Variants in KCNH4 observed in about 807,000 individuals in gnomAD.
KCNH4 encodes voltage-gated delayed rectifier potassium channel KCNH4.
A neutral mutation model predicts 90.7 loss-of-function variants in KCNH4; 33 were observed. The ratio of observed to expected loss-of-function variants is 0.36; its 90% CI spans 0.28 to 0.49. The LOEUF (loss-of-function observed/expected upper bound fraction) is 0.49. Ranked by LOEUF, KCNH4 falls within the 20% of genes least tolerant of loss-of-function variation. The probability of loss-of-function intolerance (pLI) is 0.98; values close to 1 mark genes in which losing one functional copy is unlikely to be tolerated. For synonymous variants in KCNH4, 551 were observed against 581.7 expected (o/e 0.95, Z 0.76); for missense variants, 1,044 against 1,387.1 (o/e 0.75, Z 3.93).
In KCNH4 at chr17:42,162,192, T is replaced by C. The variant is rs376141922; in HGVS notation, c.2658+56A>G. 23 of 1,482,762 alleles carry C rather than the reference T, an allele frequency of 1.6e-5. No individual in the cohort carries two copies. In the African/African-American group the frequency reaches 2.6e-4, roughly 17 times the overall value. The allele number at this position is 1,482,762 out of a possible 1,614,324, so 91.9% of individuals were successfully genotyped here. The stretch of plus-strand genomic sequence containing the variant: ...AACTCCTGACCTCAAGTGAGCCACG[T>C]GTAGGGTCTGAAATGCTGTTATATC... On this transcript the variant is annotated intron_variant, in intron 15 of 16. Coordinates refer to ENST00000264661, the MANE Select transcript of KCNH4 (RefSeq NM_012285.3).
chr17:42,174,106 T>C (rs912668429), intron 6 of KCNH4, among the ~76,000 whole-genome samples: 2 of 152,128 alleles, frequency 1.3e-5, no homozygotes, highest in African/African-American at 4.8e-5. Flanking sequence ...TACAGGTACG[T>C]GCCAGCACAC....
chr17:42,171,164 G>A (rs2079824528), intron 7 of KCNH4, among the ~76,000 whole-genome samples: 1 of 152,226 alleles, frequency 6.6e-6, no homozygotes, highest in East Asian at 1.9e-4. Context: ...GGTTGTGGGG[G>A]GGATGAGAAG....
At chr17:42,169,870 C>T (rs2079814915) in intron 8 of KCNH4, among the ~76,000 whole-genome samples, 194 bp from the exon 9 acceptor site, 1 of 152,202 alleles carries the variant, frequency 6.6e-6, no homozygotes, top group Non-Finnish European at 1.5e-5. Flanking sequence ...TCAGGCCTCC[C>T]CACCATTAGG....
intron 3 of KCNH4, 28 bp from the exon 4 acceptor site, chr17:42,178,255 G>A (rs745633014): frequency 5.6e-6 from 9 of 1,614,082 alleles, no homozygotes; most frequent in East Asian, 2.2e-5. Context: ...GCAGAGATAC[G>A]TTGGGGCACA....
intron 15 of KCNH4, 136 bp from the exon 16 acceptor site, chr17:42,160,571 T>C (rs2079739288): frequency 2.2e-6 from 2 of 891,984 alleles, no homozygotes; most frequent in Admixed American, 3.1e-5. Context: ...ATGAGGGTTA[T>C]TTTTGCCTAG....
chr17:42,178,537 C>G, intron 2 of KCNH4, 60 bp from the exon 3 acceptor site: 1 of 1,567,558 alleles, frequency 6.4e-7, no homozygotes, highest in African/African-American at 1.3e-5. Context: ...TGCCTTTCTC[C>G]TCATCCCTCT....
intron 4 of KCNH4, 117 bp downstream of exon 4, chr17:42,177,983 G>T: frequency 7.4e-7 from 1 of 1,348,242 alleles, no homozygotes; most frequent in Non-Finnish European, 1.0e-6. Context: ...TGGGTGGGCA[G>T]AGGAGCAAGC....
Position 42,163,161 on chromosome 17 carries a change from T to C in KCNH4, c.2584+67A>G, listed in dbSNP as rs2079760232. ...TGGCACATGGTAGGCCCCTACTACA[T>C]ATGGGATGGATGGACAGGTGGATGG... On this transcript the variant is annotated intron_variant, in intron 14 of 16. Coordinates refer to ENST00000264661, the MANE Select transcript of KCNH4 (RefSeq NM_012285.3). The surrounding 1 kb of genome is among the most constrained non-coding windows in gnomAD (Gnocchi z 5.4). 5.4e-6 allele frequency: 6 copies of C among 1,104,806 alleles called. No individual in the cohort carries two copies. The East Asian group carries it at 7.1e-5, about 13-fold the overall frequency. 68.4% of individuals were successfully genotyped at this position (1,104,806 alleles called of 1,614,324 possible).
In KCNH4 at chr17:42,171,933, C is replaced by T. The variant is rs2079830129; in HGVS notation, c.1050G>A (p.Lys350=). Residue 350 remains lysine (K), a synonymous_variant, in exon 7 of 17, where the codon AAG becomes AAA. Coordinates refer to ENST00000264661, the MANE Select transcript of KCNH4 (RefSeq NM_012285.3). ...CACTGCACTGAGAGTACCGCTCCAGCTTCTGCAGCAGCCGCAGCAGCCGCA... is the reference window on the plus strand; with the variant it reads ...CACTGCACTGAGAGTACCGCTCCAGTTTCTGCAGCAGCCGCAGCAGCCGCA... ...RLLRLLRLLQ[K]LERYSQCSAV... 3 of 1,611,778 alleles carry T rather than the reference C, an allele frequency of 1.9e-6. No individual in the cohort carries two copies. The East Asian group carries it at 6.7e-5, about 36-fold the overall frequency.
chr17:42,166,009 G>A (rs2079784632), intron 10 of KCNH4, among the ~76,000 whole-genome samples: 1 of 152,092 alleles, frequency 6.6e-6, no homozygotes, highest in South Asian at 2.1e-4. Flanking sequence ...GGGTCACTGG[G>A]GAAAGGTCAA....
chr17:42,162,599 GTT>G (rs377160397), intron 14 of KCNH4, among the ~76,000 whole-genome samples: 3 of 145,330 alleles, frequency 2.1e-5, no homozygotes, highest in Admixed American at 6.9e-5. Context: ...AATTGTTTTT[GTT>G]TTTTTTTTTG....
In KCNH4 at chr17:42,166,366, G is replaced by T. The variant is rs533614008; in HGVS notation, c.1771C>A (p.Gln591Lys). Reference protein sequence around the residue: ...EYLLRRGDALQAHYYVCSGSL... With the variant: ...EYLLRRGDALKAHYYVCSGSL... ...CCGGAGCAGACATAGTAATGTGCCTGCAGGGCATCCCCACGGCGCAACAGG... is the reference window on the plus strand; with the variant it reads ...CCGGAGCAGACATAGTAATGTGCCTTCAGGGCATCCCCACGGCGCAACAGG... Residue 591 changes from glutamine (Q) to lysine (K), a missense_variant, in exon 10 of 17, where the codon CAG (glutamine) becomes AAG (lysine). By Grantham distance (53) the Gln-to-Lys change is moderately conservative. Coordinates refer to ENST00000264661, the MANE Select transcript of KCNH4 (RefSeq NM_012285.3). 1 of 1,613,716 alleles carries T rather than the reference G, an allele frequency of 6.2e-7. No individual in the cohort carries two copies. The highest frequency in any genetic ancestry group is 8.5e-7 in the Non-Finnish European group (1 of 1,179,794).
chr17:42,171,965 G>T lies in KCNH4; in HGVS notation c.1018C>A (p.Arg340=), dbSNP rs147767631. 10 of 1,609,134 alleles carry T rather than the reference G, an allele frequency of 6.2e-6. No individual in the cohort carries two copies. Among genetic ancestry groups the T allele is most frequent in the African/African-American group, 4.0e-5 (3 of 74,752 alleles). Residue 340 remains arginine (R), a synonymous_variant, in exon 7 of 17, where the codon CGG becomes AGG. Transcript: ENST00000264661. ...AGCAGCCGCAGCAGCCGCAACAGCC[G>T]CACTGTCTTCAGTAGGTGCACCAGC... is the stretch of plus-strand genomic sequence containing the variant. ...TSLVHLLKTV[R]LLRLLRLLQK... is the part of the protein sequence containing the mutation.
Position 42,169,510 on chromosome 17 carries a change from C to T in KCNH4, c.1557G>A (p.Thr519=), listed in dbSNP as rs1248560271. The change falls in exon 9 of 17, where the codon ACG becomes ACA. Residue 519 remains threonine, a synonymous_variant. Coordinates refer to ENST00000264661, the MANE Select transcript of KCNH4 (RefSeq NM_012285.3). ...KQRMLEYFQT[T]WAVNSGIDAN... ...CGTCGATGCCGCTGTTGACGGCCCA[C>T]GTGGTCTGGAAGTATTCGAGCATGC... is the stretch of plus-strand genomic sequence containing the variant. 3.7e-6 allele frequency: 6 copies of T among 1,613,242 alleles called. No individual in the cohort carries two copies. The highest frequency in any genetic ancestry group is 3.3e-5 in the Admixed American group (2 of 60,024).
chr17:42,175,324 G>A (rs996830445), intron 6 of KCNH4, among the ~76,000 whole-genome samples: 4 of 152,334 alleles, frequency 2.6e-5, no homozygotes, highest in East Asian at 1.9e-4. Context: ...GACCAATGCC[G>A]CCTTGGTAGC....
chr17:42,161,823 A>C (rs766070956), intron 15 of KCNH4, among the ~76,000 whole-genome samples: 46 of 152,324 alleles, frequency 3.0e-4, no homozygotes, highest in Non-Finnish European at 2.2e-4. Context: ...TGGGAAGCAC[A>C]TATTACTATT....
intron 4 of KCNH4, among the ~76,000 whole-genome samples, chr17:42,176,601 C>T (rs1260887262): frequency 2.2e-5 from 3 of 139,024 alleles, no homozygotes; most frequent in Admixed American, 1.6e-4. Context: ...TGGCTCACTG[C>T]AACCTCCACC....
chr17:42,170,230 G>A lies in KCNH4; in HGVS notation c.1267C>T (p.Arg423Cys), dbSNP rs776622703. The A allele has an allele frequency of 4.0e-5, 65 of 1,609,872 alleles. No individual in the cohort carries two copies. In the Admixed American group the frequency reaches 5.7e-4, roughly 14 times the overall value. The change falls in exon 8 of 17, where the codon CGC becomes TGC. Residue 423 changes from arginine (R) to cysteine (C), a missense_variant. Physicochemically the swap from Arg to Cys is radical, Grantham distance 180 (BLOSUM62 -3). This residue lies in a region of KCNH4 where 318 missense variants were observed against 479.6 expected (regional missense o/e 0.66). Transcript: ENST00000264661. ...TACAGTGCCGCGATGTAGGCGCTGC[G>A]CCGTGATGGGCCGCCCACCGAGCCA... ...VNGSVGGPSR[R>C]SAYIAALYFT...
chr17:42,163,898 C>A lies in KCNH4; in HGVS notation c.2185G>T (p.Glu729Ter). Reference protein sequence around the residue: ...DKTLPSITEAESGAEPGGGPR... With the variant: ...DKTLPSITEA ...CCACCCCCAGGCTCCGCGCCACTCT[C>A]GGCCTCTGTGATGGATGGCAGCGTC... The change falls in exon 13 of 17, where the codon GAG becomes TAG. Residue 729 changes from glutamate (E) to a stop codon, truncating the protein, a stop_gained. Transcript: ENST00000264661. LOFTEE classifies it high-confidence loss of function. The surrounding 1 kb of genome is among the most constrained non-coding windows in gnomAD (Gnocchi z 5.4). 1 of 1,545,566 alleles carries A rather than the reference C, an allele frequency of 6.5e-7. No individual in the cohort carries two copies. Among genetic ancestry groups the A allele is most frequent in the Non-Finnish European group, 8.7e-7 (1 of 1,145,320 alleles).
Sources: gnomAD v4.1 joint callset for allele counts (sites outside exome capture counted in the v4.1 genomes callset) on GRCh38, gnomAD v4.1.1 for gene constraint, gnomAD v4.1.1 regional missense constraint, Gnocchi (gnomAD v3.1) non-coding constraint, MANE v1.5 for transcripts, NCBI Gene and HGNC (gene_info 2026-07-23, HGNC 2026-07-21) for gene names.